The following AGBL1 variants were observed in gnomAD, a reference collection of about 807,000 sequenced individuals.
The protein encoded by AGBL1 is AGBL carboxypeptidase 1.
A neutral mutation model predicts 118.9 loss-of-function variants in AGBL1; 130 were observed. The observed-to-expected ratio is 1.09, with a 90% CI of 0.95 to 1.26. The LOEUF is 1.26. Ranked by LOEUF, AGBL1 falls within the 50% of genes most tolerant of loss-of-function variation. AGBL1 has a pLI of 0.00. For synonymous variants in AGBL1, 555 were observed against 478.9 expected (o/e 1.16, Z -2.08); for missense variants, 1,584 against 1,298.1 (o/e 1.22, Z -3.38).
At chr15:87,015,724 T>A (rs1193639731) in intron 24 of AGBL1, among the ~76,000 whole-genome samples, 5 of 152,140 alleles carry the variant, frequency 3.3e-5, no homozygotes, top group Admixed American at 6.6e-5. Flanking sequence ...TCATCCTTCA[T>A]TCCCCCACCC....
intron 21 of AGBL1, among the ~76,000 whole-genome samples, chr15:86,655,916 G>A (rs1490240763): frequency 6.6e-6 from 1 of 152,202 alleles, no homozygotes; most frequent in Non-Finnish European, 1.5e-5. Flanking sequence ...AGAAAGACTG[G>A]CAGATAATTT....
At chr15:86,380,231 C>CCCTGCCTG (rs113927338) in intron 17 of AGBL1, among the ~76,000 whole-genome samples, 10 of 118,846 alleles carry the variant, frequency 8.4e-5, no homozygotes, top group South Asian at 5.9e-4. Flanking sequence ...TCATTCCCTC[C>CCCTGCCTG]CCTGCCTGCC....
chr15:86,240,671 G>T (rs984642230), intron 6 of AGBL1, among the ~76,000 whole-genome samples: 39 of 152,262 alleles, frequency 2.6e-4, no homozygotes, highest in African/African-American at 9.1e-4. Flanking sequence ...TGAGAAGGGG[G>T]TTTCTATCCT....
intron 21 of AGBL1, among the ~76,000 whole-genome samples, chr15:86,565,333 T>C (rs1432784769): frequency 1.3e-5 from 2 of 152,228 alleles, no homozygotes; most frequent in Non-Finnish European, 2.9e-5. Context: ...TTCTGTTTGT[T>C]AGTTTTCCTT....
chr15:86,940,449 A>T (rs1185361521), intron 23 of AGBL1, among the ~76,000 whole-genome samples: 1 of 152,100 alleles, frequency 6.6e-6, no homozygotes, highest in Non-Finnish European at 1.5e-5. Context: ...TGAATCACAA[A>T]TACTCATTAA....
intron 22 of AGBL1, among the ~76,000 whole-genome samples, chr15:86,835,995 T>C (rs955276085): frequency 6.6e-6 from 1 of 152,226 alleles, no homozygotes; most frequent in African/African-American, 2.4e-5. Flanking sequence ...AGTCTGCTAT[T>C]GAACAAGAAC....
chr15:86,520,526 G>A (rs1312065436), intron 18 of AGBL1, among the ~76,000 whole-genome samples: 2 of 152,128 alleles, frequency 1.3e-5, no homozygotes, highest in South Asian at 2.1e-4. Context: ...TCTGCAAAGT[G>A]GTAATACGTG....
chr15:86,311,601 C>A (rs577615714), intron 17 of AGBL1, among the ~76,000 whole-genome samples: 202 of 152,160 alleles, frequency 1.3e-3, no homozygotes, highest in African/African-American at 4.7e-3. Context: ...TCCGGGGCTT[C>A]CTATTTTTTT....
chr15:86,750,245 T>A (rs1567155428), intron 22 of AGBL1, among the ~76,000 whole-genome samples: 1 of 152,080 alleles, frequency 6.6e-6, no homozygotes, highest in Non-Finnish European at 1.5e-5. Context: ...TGTTTTGTAC[T>A]TTTTTATTTT....
rs770556494 is a variant in AGBL1 at position 86,870,454 on chromosome 15, C to CAAAAAAAAAA, written c.3159-36600_3159-36591dup. On this transcript the variant is annotated intron_variant, in intron 22 of 22. Transcript: ENST00000614907. ...GGCAAGAAAAAAGTAAAGCATACTG[C>CAAAAAAAAAA]AAAAAAAAAAAAAAAAAAAAAAAAA... 1.2e-3 allele frequency among the ~76,000 whole-genome samples: 77 copies of CAAAAAAAAAA among 64,108 alleles called. 6 individuals are homozygous for CAAAAAAAAAA. The highest frequency in any genetic ancestry group is 1.8e-3 in the African/African-American group (24 of 13,074). The allele number at this position is 64,108 out of a possible 152,430, so 42.1% of individuals were successfully genotyped here.
intron 18 of AGBL1, among the ~76,000 whole-genome samples, chr15:86,454,341 C>T (rs2082234878): frequency 6.6e-6 from 1 of 152,156 alleles, no homozygotes; most frequent in South Asian, 2.1e-4. Context: ...AACTCATATA[C>T]AGCCACTTTG....
intron 21 of AGBL1, among the ~76,000 whole-genome samples, chr15:86,594,187 AG>A (rs1308348758): frequency 6.6e-6 from 1 of 152,166 alleles, no homozygotes; most frequent in Admixed American, 6.6e-5. Context: ...CTAGGATTAC[AG>A]GAGTGAGCCA....
chr15:86,788,194 G>A (rs757134864), intron 22 of AGBL1, among the ~76,000 whole-genome samples: 2 of 152,238 alleles, frequency 1.3e-5, no homozygotes, highest in East Asian at 1.9e-4. Context: ...GAAGGACTTA[G>A]ATGCTTTCTT....
At chr15:86,817,223 C>T (rs924485936) in intron 22 of AGBL1, among the ~76,000 whole-genome samples, 3 of 146,200 alleles carry the variant, frequency 2.1e-5, no homozygotes, top group South Asian at 2.3e-4. Context: ...TCTCAGAAGG[C>T]GGAGGTTGCA....
At chr15:86,387,178 C>T (rs574020378) in intron 17 of AGBL1, among the ~76,000 whole-genome samples, 12 of 152,188 alleles carry the variant, frequency 7.9e-5, no homozygotes, top group Admixed American at 2.0e-4. Flanking sequence ...GTTACTCTTT[C>T]GCCTGGGGCA....
chr15:86,828,051 T>A (rs929598508), intron 22 of AGBL1, among the ~76,000 whole-genome samples: 6 of 149,372 alleles, frequency 4.0e-5, no homozygotes, highest in Non-Finnish European at 8.9e-5. Flanking sequence ...GAATTCCTCC[T>A]GCTTCAGCCT....
chr15:86,579,432 G>T (rs996654783), intron 21 of AGBL1, among the ~76,000 whole-genome samples: 2 of 152,154 alleles, frequency 1.3e-5, no homozygotes, highest in African/African-American at 2.4e-5. Context: ...TGTGATATTA[G>T]ATTATGTTAA....
At chr15:86,916,795 G>A (rs1327061586), downstream of AGBL1, among the ~76,000 whole-genome samples, 3 of 152,194 alleles carry the variant, frequency 2.0e-5, no homozygotes, top group Admixed American at 2.0e-4. Context: ...GCCCGGGGCT[G>A]GCCAGGCCGG....
At position 86,403,380 on chromosome 15, in the gene AGBL1, G is replaced by T. The variant is rs2081476862; in HGVS notation, c.2555+5834G>T. Among the ~76,000 whole-genome samples, 3 of 152,204 alleles carry T rather than the reference G, an allele frequency of 2.0e-5. No homozygotes were observed. The East Asian group carries it at 5.8e-4, about 29-fold the overall frequency. On this transcript the variant is annotated intron_variant, in intron 18 of 22. Transcript: ENST00000614907. ...GAAGCAAACAGCAATAAAGAGCAAA[G>T]ACTCCACTATAAGTAAATACACCAA...
Sources: gnomAD v4.1 joint callset for allele counts (sites outside exome capture counted in the v4.1 genomes callset) on GRCh38, gnomAD v4.1.1 for gene constraint, MANE v1.5 for transcripts, NCBI Gene and HGNC (gene_info 2026-07-23, HGNC 2026-07-21) for gene names.